Variants in UBE2U observed in about 807,000 individuals in gnomAD.
UBE2U encodes ubiquitin conjugating enzyme E2 U.
A neutral mutation model predicts 41.2 loss-of-function variants in UBE2U; 39 were observed. That is an observed-to-expected ratio of 0.95 (90% CI 0.73 to 1.24). UBE2U has a LOEUF of 1.24. Ranked by LOEUF, UBE2U falls within the 50% of genes most tolerant of loss-of-function variation. The probability of loss-of-function intolerance (pLI) is 0.00; values close to 1 mark genes in which losing one functional copy is unlikely to be tolerated. For synonymous variants in UBE2U, 107 were observed against 117.8 expected, an observed-to-expected ratio of 0.91 and a Z score of 0.60; for missense variants, 336 against 363.1, an observed-to-expected ratio of 0.93 and a Z score of 0.61.
intron 5 of UBE2U, among the ~76,000 whole-genome samples, chr1:64,218,650 A>AT (rs1343306328): frequency 1.3e-5 from 2 of 152,216 alleles, no homozygotes; most frequent in African/African-American, 4.8e-5. Flanking sequence ...ACTTCATCTT[A>AT]TAAAATACAA....
At chr1:64,222,646 A>T (rs552739468) in intron 6 of UBE2U, among the ~76,000 whole-genome samples, 1 of 152,346 alleles carries the variant, frequency 6.6e-6, no homozygotes, top group East Asian at 1.9e-4. Flanking sequence ...GTGAATTCTA[A>T]TGTTAGCCCC....
intron 4 of UBE2U, 141 bp from the exon 5 acceptor site, chr1:64,214,674 T>C: frequency 1.6e-6 from 1 of 634,226 alleles, no homozygotes; most frequent in Non-Finnish European, 2.8e-6. Flanking sequence ...CTATGTCTCA[T>C]GTTATTTTTT....
At chr1:64,215,206 G>A (rs1299727136) in intron 5 of UBE2U, among the ~76,000 whole-genome samples, 1 of 151,974 alleles carries the variant, frequency 6.6e-6, no homozygotes, top group Admixed American at 6.6e-5. Flanking sequence ...ACTCTAGCCC[G>A]GGCAACGAGA....
intron 8 of UBE2U, among the ~76,000 whole-genome samples, chr1:64,250,872 A>T (rs1391428778): frequency 1.4e-5 from 2 of 143,470 alleles, no homozygotes; most frequent in Non-Finnish European, 3.0e-5. Flanking sequence ...ATGAGAACAC[A>T]TGGACACAGG....
At chr1:64,229,948 C>G (rs1345732282) in intron 6 of UBE2U, among the ~76,000 whole-genome samples, 1 of 152,208 alleles carries the variant, frequency 6.6e-6, no homozygotes, top group Non-Finnish European at 1.5e-5. Context: ...TCTGTACTAA[C>G]AGCACCTGAA....
intron 8 of UBE2U, among the ~76,000 whole-genome samples, chr1:64,258,428 C>T (rs950392817): frequency 2.6e-5 from 4 of 151,970 alleles, no homozygotes; most frequent in African/African-American, 9.7e-5. Flanking sequence ...CCCATTAACT[C>T]GTCATTTACA....
intron 8 of UBE2U, among the ~76,000 whole-genome samples, chr1:64,253,462 A>C (rs932890197): frequency 2.0e-5 from 3 of 152,164 alleles, no homozygotes; most frequent in Non-Finnish European, 4.4e-5. Context: ...ACACATAATC[A>C]TCAGATTCTC....
chr1:64,239,239 A>G (rs1286652412), intron 7 of UBE2U, among the ~76,000 whole-genome samples: 1 of 152,016 alleles, frequency 6.6e-6, no homozygotes, highest in Admixed American at 6.6e-5. Flanking sequence ...AGCTGGTTAA[A>G]TAGTTCGACT....
intron 8 of UBE2U, among the ~76,000 whole-genome samples, chr1:64,247,641 G>A (rs781634256): frequency 2.6e-5 from 4 of 152,128 alleles, no homozygotes; most frequent in Non-Finnish European, 4.4e-5. Context: ...AAGGCAAGAA[G>A]AATGCTTGAA....
chr1:64,244,164 A>G (rs753547177), intron 8 of UBE2U: 6 of 1,608,184 alleles, frequency 3.7e-6, no homozygotes, highest in Non-Finnish European at 5.1e-6. Flanking sequence ...GCATAGGGGA[A>G]GAGCATGAGC....
At chr1:64,251,203 T>C (rs1645005997) in intron 8 of UBE2U, among the ~76,000 whole-genome samples, 1 of 150,596 alleles carries the variant, frequency 6.6e-6, no homozygotes, top group Admixed American at 6.6e-5. Context: ...ATATATAATA[T>C]AGTTTTAAAA....
At chr1:64,252,270 G>A (rs752431536) in intron 8 of UBE2U, among the ~76,000 whole-genome samples, 22 of 152,194 alleles carry the variant, frequency 1.4e-4, no homozygotes, top group Non-Finnish European at 2.9e-4. Flanking sequence ...GAGCTCCTGA[G>A]GGGAGGGGTG....
rs377204665 is a variant in UBE2U at position 64,224,679 on chromosome 1, C to T, written c.506+3772C>T. Among the ~76,000 whole-genome samples the T allele has an allele frequency of 2.6e-4, 39 of 150,776 alleles. 6 individuals carry two copies. In the South Asian group the frequency reaches 3.4e-3, roughly 13 times the overall value. On this transcript the variant is annotated intron_variant, in intron 6 of 9. Transcript: ENST00000371077. ...TGGAGGTTGCAGTGAGCCGAGATTG[C>T]GCCATTGCACTCCAGCCTGGGCAAC...
intron 8 of UBE2U, 47 bp downstream of exon 8, chr1:64,241,780 CTAT>C: frequency 1.4e-6 from 2 of 1,423,562 alleles, no homozygotes; most frequent in Non-Finnish European, 1.9e-6. Context: ...CTTGAATTGT[CTAT>C]TATTCCACTT....
chr1:64,227,614 C>T (rs2100363506), intron 6 of UBE2U, among the ~76,000 whole-genome samples: 1 of 152,196 alleles, frequency 6.6e-6, no homozygotes, highest in East Asian at 1.9e-4. Context: ...CCAGCCTAAC[C>T]AACATGCAGA....
chr1:64,209,059 A>G (rs943953726), intron 3 of UBE2U, among the ~76,000 whole-genome samples: 1 of 152,226 alleles, frequency 6.6e-6, no homozygotes. Context: ...GCAGGGGAAC[A>G]TTCATATTTT....
intron 9 of UBE2U, among the ~76,000 whole-genome samples, chr1:64,265,986 G>A (rs1299609859): frequency 1.3e-5 from 2 of 152,174 alleles, no homozygotes. Flanking sequence ...TTTCATGTGT[G>A]AGGGAAATAA....
At chr1:64,226,669 A>C (rs1652888791) in intron 6 of UBE2U, among the ~76,000 whole-genome samples, 1 of 152,142 alleles carries the variant, frequency 6.6e-6, no homozygotes, top group African/African-American at 2.4e-5. Context: ...CATCTCTTAA[A>C]AGAAGAAAAA....
At chr1:64,237,262 TC>T (rs1644684447) in intron 7 of UBE2U, among the ~76,000 whole-genome samples, 1 of 138,258 alleles carries the variant, frequency 7.2e-6, no homozygotes, top group South Asian at 2.2e-4. Flanking sequence ...AAAAAAAAAT[TC>T]AGGGCAACCC....
Sources: allele counts gnomAD v4.1 joint callset (sites outside exome capture counted in the v4.1 genomes callset), GRCh38; gene constraint gnomAD v4.1.1; transcripts MANE v1.5; gene names NCBI Gene and HGNC (gene_info 2026-07-23, HGNC 2026-07-21).